The following KIAA1217 variants were observed in gnomAD, a reference collection of about 807,000 sequenced individuals.
The protein encoded by KIAA1217 is KIAA1217, also known as sickle tail protein homolog.
Under a neutral mutation model 163.9 loss-of-function variants are expected in KIAA1217, and 88 were observed. That is an observed-to-expected ratio of 0.54 (90% CI 0.45 to 0.64). The LOEUF (loss-of-function observed/expected upper bound fraction) is 0.64. Ranked by LOEUF, KIAA1217 falls within the 30% of genes least tolerant of loss-of-function variation. The pLI, the probability that KIAA1217 is intolerant of heterozygous loss-of-function variation, is 0.00. For missense variants in KIAA1217, 2,372 were observed against 2,475.0 expected, an observed-to-expected ratio of 0.96 and a Z score of 0.88; for synonymous variants, 903 against 923.1, an observed-to-expected ratio of 0.98 and a Z score of 0.39.
intron 3 of KIAA1217, among the ~76,000 whole-genome samples, chr10:24,398,247 A>C (rs2056091682): frequency 6.6e-6 from 1 of 152,194 alleles, no homozygotes; most frequent in Non-Finnish European, 1.5e-5. Context: ...TCATTAAGAG[A>C]AACTACTATT....
rs566973618 is a variant in KIAA1217, at chr10:23,790,070, T to C, written c.-321+94836T>C. Among the ~76,000 whole-genome samples, 61 of 109,968 alleles carry C rather than the reference T, an allele frequency of 5.5e-4. 12 individuals carry two copies. Among genetic ancestry groups the C allele is most frequent in the African/African-American group, 2.1e-3 (51 of 24,874 alleles). 72.1% of individuals were successfully genotyped at this position (109,968 alleles called of 152,430 possible). On this transcript the variant is annotated intron_variant, in intron 1 of 18. Coordinates refer to the KIAA1217 transcript ENST00000376462. ...GCATATACACATATACACATATGCA[T>C]ATACACATATACACATATGCATATA...
chr10:23,790,557 G>GTATATATACATATA (rs1564424234), intron 1 of KIAA1217, among the ~76,000 whole-genome samples: 2 of 69,484 alleles, frequency 2.9e-5, no homozygotes, highest in East Asian at 6.0e-4. Context: ...ATATACATAT[G>GTATATATACATATA]TACATATGTA....
rs183942362 is a variant in KIAA1217 at position 23,728,274 on chromosome 10, C to A, written c.-321+33040C>A. Reference sequence around the variant, plus strand: ...CAAAATGGTTGAACTAATTTACACTCCCACCAATAGCGTGAAAGTGTTCCT... The same window carrying A: ...CAAAATGGTTGAACTAATTTACACTACCACCAATAGCGTGAAAGTGTTCCT... On this transcript the variant is annotated intron_variant, in intron 1 of 18. Transcript: ENST00000376462. 2.8e-4 allele frequency among the ~76,000 whole-genome samples: 43 copies of A among 152,312 alleles called. 1 individual carries two copies. In the East Asian group the frequency reaches 8.1e-3, roughly 29 times the overall value.
chr10:23,856,531 G>C (rs1330827084), intron 1 of KIAA1217, among the ~76,000 whole-genome samples: 1 of 152,214 alleles, frequency 6.6e-6, no homozygotes, highest in African/African-American at 2.4e-5. Context: ...GAGAACCACT[G>C]CTCTCTTCAA....
At chr10:23,738,026 G>T (rs965583055) in intron 1 of KIAA1217, among the ~76,000 whole-genome samples, 20 of 151,602 alleles carry the variant, frequency 1.3e-4, no homozygotes, top group Non-Finnish European at 2.6e-4. Context: ...ATAGCACGTA[G>T]ATATATATAT....
intron 11 of KIAA1217, 67 bp downstream of exon 11, chr10:24,520,320 ACAT>A: frequency 3.8e-6 from 6 of 1,584,640 alleles, no homozygotes; most frequent in Non-Finnish European, 5.2e-6. Context: ...AAAATCTGCC[ACAT>A]AGAGGATTCA....
intron 2 of KIAA1217, among the ~76,000 whole-genome samples, chr10:24,022,401 A>T (rs1010763685): frequency 5.3e-5 from 8 of 151,840 alleles, no homozygotes; most frequent in Non-Finnish European, 4.4e-5. Flanking sequence ...TAAAACAACA[A>T]GATACAATTA....
At chr10:24,106,569 A>G (rs1012931827) in intron 2 of KIAA1217, among the ~76,000 whole-genome samples, 3 of 151,758 alleles carry the variant, frequency 2.0e-5, no homozygotes, top group Non-Finnish European at 4.4e-5. Flanking sequence ...TTTACATGAC[A>G]GAAAAAAAAA....
At chr10:24,037,232 A>G (rs1388726045) in intron 2 of KIAA1217, among the ~76,000 whole-genome samples, 2 of 152,120 alleles carry the variant, frequency 1.3e-5, no homozygotes, top group Admixed American at 6.6e-5. Context: ...TTGGGAGGCC[A>G]AGGCAGGAGG....
At chr10:23,814,250 T>A (rs1837215404) in intron 1 of KIAA1217, among the ~76,000 whole-genome samples, 1 of 152,094 alleles carries the variant, frequency 6.6e-6, no homozygotes. Flanking sequence ...GAGGAATGAG[T>A]GGATCATTCT....
At chr10:24,389,427 G>A (rs1413558638) in intron 3 of KIAA1217, among the ~76,000 whole-genome samples, 1 of 152,092 alleles carries the variant, frequency 6.6e-6, no homozygotes, top group Non-Finnish European at 1.5e-5. Flanking sequence ...GGGAGGGATA[G>A]CATTAGGAGA....
chr10:24,143,151 A>G (rs1044646367), intron 2 of KIAA1217, among the ~76,000 whole-genome samples: 1 of 152,224 alleles, frequency 6.6e-6, no homozygotes, highest in Non-Finnish European at 1.5e-5. Flanking sequence ...CCATTTCTGC[A>G]TAGAAATCTC....
Position 24,532,489 on chromosome 10 carries a change from T to A in KIAA1217, c.3246+496T>A, listed in dbSNP as rs542294692. Among the ~76,000 whole-genome samples, 40 of 152,324 alleles carry A rather than the reference T, an allele frequency of 2.6e-4. 1 individual carries two copies. The South Asian group carries it at 3.5e-3, about 13-fold the overall frequency. On this transcript the variant is annotated intron_variant, in intron 15 of 20. Coordinates refer to ENST00000376454, the MANE Select transcript of KIAA1217 (RefSeq NM_019590.5). ...CTGTATTAGTCTGTTCTCAGGGTGC[T>A]GATAGAGACATGCCTGAGACTGGGT...
chr10:24,530,728 C>T (rs1440906382), intron 14 of KIAA1217, among the ~76,000 whole-genome samples: 4 of 152,102 alleles, frequency 2.6e-5, no homozygotes, highest in South Asian at 4.2e-4. Flanking sequence ...TGAGACCCCC[C>T]TCTTTACAAA....
At chr10:23,977,679 C>G (rs1845595980) in intron 1 of KIAA1217, among the ~76,000 whole-genome samples, 1 of 152,108 alleles carries the variant, frequency 6.6e-6, no homozygotes, top group African/African-American at 2.4e-5. Context: ...TTAATGAGCA[C>G]CTGTAAAAGA....
chr10:23,825,441 G>T (rs1458663502), intron 1 of KIAA1217, among the ~76,000 whole-genome samples: 1 of 152,052 alleles, frequency 6.6e-6, no homozygotes, highest in East Asian at 1.9e-4. Context: ...AATCTATATT[G>T]ATGAACATAT....
intron 2 of KIAA1217, among the ~76,000 whole-genome samples, chr10:24,099,341 T>C (rs1012977480): frequency 8.0e-5 from 12 of 150,088 alleles, no homozygotes; most frequent in Non-Finnish European, 1.6e-4. Context: ...CCCATTCCCC[T>C]ACCCCACGGC....
intron 1 of KIAA1217, among the ~76,000 whole-genome samples, chr10:23,957,219 G>T (rs1399895752): frequency 6.6e-6 from 1 of 152,016 alleles, no homozygotes; most frequent in Non-Finnish European, 1.5e-5. Context: ...CGTGTGCCTG[G>T]CCAGTATCCC....
chr10:24,097,568 G>A (rs2062212851), intron 2 of KIAA1217, among the ~76,000 whole-genome samples: 1 of 151,890 alleles, frequency 6.6e-6, no homozygotes, highest in Admixed American at 6.6e-5. Context: ...AGAGAGAGAG[G>A]AAGGCGAAAA....
Sources: allele counts gnomAD v4.1 joint callset (sites outside exome capture counted in the v4.1 genomes callset), GRCh38; gene constraint gnomAD v4.1.1; transcripts MANE v1.5; gene names NCBI Gene and HGNC (gene_info 2026-07-23, HGNC 2026-07-21).